MAX: variants seen among roughly 807,000 people sequenced by gnomAD.
MAX encodes the protein MYC associated transcriptional regulator X, also known as protein max.
In MAX, 3 loss-of-function variants were observed where a neutral mutation model predicts 22.3. The ratio of observed to expected loss-of-function variants is 0.13; its 90% CI spans 0.06 to 0.35. The LOEUF is 0.35. Among genes scored for constraint, MAX ranks in the 10% least tolerant of loss-of-function variants. The probability of loss-of-function intolerance (pLI) is 1.00; values close to 1 mark genes in which losing one functional copy is unlikely to be tolerated. For synonymous variants in MAX, 72 were observed against 77.7 expected (o/e 0.93, Z 0.39); for missense variants, 119 against 209.4 (o/e 0.57, Z 2.66).
At position 65,082,236 on chromosome 14, in the gene MAX, T is replaced by C. The variant is rs1160521382; in HGVS notation, c.172-4200A>G. ...TATGGAACTAATTTAAAAAGATCAA[T>C]AGAATTGCAGGGACACTGTTGTCAT... On this transcript the variant is annotated intron_variant, in intron 3 of 4. Coordinates refer to ENST00000358664, the MANE Select transcript of MAX (RefSeq NM_002382.5). The surrounding 1 kb of genome is among the most constrained non-coding windows in gnomAD (Gnocchi z 4.8). The C allele has an allele frequency of 6.6e-6, 1 of 151,882 alleles. No homozygotes were observed. Among genetic ancestry groups the C allele is most frequent in the African/African-American group, 2.4e-5 (1 of 41,320 alleles). The allele number at this position is 151,882 out of a possible 1,614,324, so 9.4% of individuals were successfully genotyped here. A position where few individuals can be genotyped will look rare whatever the true frequency, so the allele number is the denominator to read the frequency against.
At chr14:65,098,809 T>C (rs956712393) in intron 2 of MAX, among the ~76,000 whole-genome samples, 10 of 152,196 alleles carry the variant, frequency 6.6e-5, no homozygotes, top group South Asian at 2.1e-4. Context: ...GAAAAAAATA[T>C]TTGCCAAATC....
At chr14:65,053,627 A>T (rs1019034546) in intron 3 of MAX, among the ~76,000 whole-genome samples, 215 of 147,134 alleles carry the variant, frequency 1.5e-3, no homozygotes, top group African/African-American at 3.4e-3. Context: ...TCTTTTTTTT[A>T]AAAAAAACAA....
chr14:65,032,467 A>C lies in MAX; in HGVS notation c.172-26183T>G. On this transcript the variant is annotated intron_variant, in intron 3 of 3. Coordinates refer to the MAX transcript ENST00000341653. The surrounding 1 kb of genome is among the most constrained non-coding windows in gnomAD (Gnocchi z 5.0). ...TGTCACACCTCTCAGTTGGAGACCC[A>C]GGAGGACTGACCGTGTGCCAAGAGT... is the stretch of plus-strand genomic sequence containing the variant. 1.3e-6 allele frequency: 1 copy of C among 740,922 alleles called. No homozygotes were observed. The allele number at this position is 740,922 out of a possible 1,614,324, so 45.9% of individuals were successfully genotyped here.
At chr14:65,072,561 T>C (rs142880758), downstream of MAX, among the ~76,000 whole-genome samples, 178 of 152,324 alleles carry the variant, frequency 1.2e-3, 1 homozygote, top group African/African-American at 4.1e-3. Flanking sequence ...CCTGAGTGAC[T>C]TGAGGACCAC....
intron 3 of MAX, among the ~76,000 whole-genome samples, chr14:65,068,077 C>T (rs1341757545): frequency 6.6e-6 from 1 of 152,118 alleles, no homozygotes; most frequent in Non-Finnish European, 1.5e-5. Context: ...TGTCAGGTTC[C>T]TCCATAAGGT....
At chr14:65,087,347 C>T (rs989330852) in intron 3 of MAX, among the ~76,000 whole-genome samples, 2 of 152,204 alleles carry the variant, frequency 1.3e-5, no homozygotes, top group South Asian at 2.1e-4. Flanking sequence ...CACTGACTGA[C>T]ATCTTGCACT....
intron 3 of MAX, among the ~76,000 whole-genome samples, chr14:65,039,789 T>C (rs912335487): frequency 6.6e-6 from 1 of 152,238 alleles, no homozygotes; most frequent in Non-Finnish European, 1.5e-5. Flanking sequence ...AATTATAATT[T>C]TTAAAAATAA....
In MAX at chr14:65,044,212, G is replaced by A. The variant is rs1347814513; in HGVS notation, c.172-37928C>T. The A allele has an allele frequency of 1.3e-6, 2 of 1,586,142 alleles. No individual in the cohort carries two copies. Among genetic ancestry groups the A allele is most frequent in the Non-Finnish European group, 1.7e-6 (2 of 1,168,848 alleles). ...TAGAGTGCCAAGAAGCCACAAGATGGGAAACCCTCCATCCCACAGATTGAC... is the reference window on the plus strand; with the variant it reads ...TAGAGTGCCAAGAAGCCACAAGATGAGAAACCCTCCATCCCACAGATTGAC... On this transcript the variant is annotated intron_variant, in intron 3 of 3. Transcript: ENST00000341653. The surrounding 1 kb of genome is among the most constrained non-coding windows in gnomAD (Gnocchi z 5.5).
chr14:65,006,169 TTTTTG>T, exon 4 of MAX: 1 of 1,607,752 alleles, frequency 6.2e-7, no homozygotes, highest in Non-Finnish European at 8.5e-7. Context: ...TTTTTTTTTT[TTTTTG>T]CCACCATTTC....
Position 65,022,693 on chromosome 14 carries a change from C to T in MAX, c.172-16409G>A, listed in dbSNP as rs192407090. On this transcript the variant is annotated intron_variant, in intron 3 of 3. Coordinates refer to the MAX transcript ENST00000341653. ...AATACTTAAAAAAAAAAAAAGTAGTCATTTTTACAACTCTCATGTGAATTC... is the reference window on the plus strand; with the variant it reads ...AATACTTAAAAAAAAAAAAAGTAGTTATTTTTACAACTCTCATGTGAATTC... 7.5e-3 allele frequency among the ~76,000 whole-genome samples: 1,147 copies of T among 151,998 alleles called. 9 individuals are homozygous for T. The highest frequency in any genetic ancestry group is 0.011 in the Non-Finnish European group (759 of 67,964).
chr14:65,015,410 C>CTTTTTTTTTT (rs888923691), intron 3 of MAX: 2 of 155,744 alleles, frequency 1.3e-5, no homozygotes, highest in Non-Finnish European at 1.2e-5. Flanking sequence ...GCCTTGTTAT[C>CTTTTTTTTTT]TTTTTTTTTT....
rs1004459971 is a variant in MAX at position 65,088,578 on chromosome 14, C to G, written c.171+5130G>C. Among the ~76,000 whole-genome samples the G allele has an allele frequency of 2.0e-5, 3 of 152,166 alleles. No homozygotes were observed. Among genetic ancestry groups the G allele is most frequent in the Admixed American group, 6.5e-5 (1 of 15,272 alleles). ...CAGATATGCTATAGACATAGGTTAC[C>G]GAATGAACTGTCAGCCTTAAACGCA... is the stretch of plus-strand genomic sequence containing the variant. On this transcript the variant is annotated intron_variant, in intron 3 of 4. Transcript: ENST00000358664. The surrounding 1 kb of genome is among the most constrained non-coding windows in gnomAD (Gnocchi z 5.2).
At position 65,077,442 on chromosome 14, in the gene MAX, A is replaced by G. The variant is rs1418089905; in HGVS notation, c.295+471T>C. The G allele has an allele frequency of 6.4e-7, 1 of 1,566,620 alleles. No individual in the cohort carries two copies. On this transcript the variant is annotated intron_variant, in intron 4 of 4. Transcript: ENST00000358664. The surrounding 1 kb of genome is among the most constrained non-coding windows in gnomAD (Gnocchi z 6.3). ...TCTCGCTTTCCCCTGTGGTTGTAGG[A>G]AAAGGCGGGTGTGAGCATTGAGAAC...
At chr14:65,058,655 G>A (rs2062795557) in intron 3 of MAX, among the ~76,000 whole-genome samples, 1 of 152,172 alleles carries the variant, frequency 6.6e-6, no homozygotes, top group Non-Finnish European at 1.5e-5. Context: ...TTGCTAGGTT[G>A]TTTTTGTTAG....
In MAX at chr14:65,047,978, A is replaced by AT. The variant is rs34879850; in HGVS notation, c.172-41695dup. On this transcript the variant is annotated intron_variant, in intron 3 of 3. Transcript: ENST00000341653. This position sits in a 1 kb window ranked among gnomAD's most constrained non-coding sequence, Gnocchi z 5.2. ...AGACAGAAGGAGGGAGACTTTTTAG[A>AT]TTTTTTTTTTTTTTTTTTTTTTTTT... 0.04 allele frequency among the ~76,000 whole-genome samples: 2,543 copies of AT among 64,136 alleles called. 124 individuals are homozygous for AT. The highest frequency in any genetic ancestry group is 0.078 in the South Asian group (124 of 1,594). The allele number at this position is 64,136 out of a possible 152,430, so 42.1% of individuals were successfully genotyped here.
chr14:65,093,879 G>A lies in MAX; in HGVS notation c.64-64C>T. On this transcript the variant is annotated intron_variant, in intron 2 of 4. Transcript: ENST00000358664. This position sits in a 1 kb window ranked among gnomAD's most constrained non-coding sequence, Gnocchi z 4.4. ...TCCTTTTGCTTGGTACAAGGTGGGT[G>A]GGGTACAGCCTGGAAGTACACGCTG... The A allele has an allele frequency of 2.1e-6, 2 of 962,478 alleles. No homozygotes were observed. The highest frequency in any genetic ancestry group is 1.7e-6 in the Non-Finnish European group (1 of 585,122). 59.6% of individuals were successfully genotyped at this position (962,478 alleles called of 1,614,324 possible). A position where few individuals can be genotyped will look rare whatever the true frequency, so the allele number is the denominator to read the frequency against.
At chr14:65,074,651 T>C (rs952773285), downstream of MAX, among the ~76,000 whole-genome samples, 4 of 152,224 alleles carry the variant, frequency 2.6e-5, no homozygotes, top group African/African-American at 7.2e-5. Flanking sequence ...CCAGTCTGAG[T>C]AGAGCTAACT....
At chr14:65,040,604 CTTT>C (rs35890649) in intron 3 of MAX, among the ~76,000 whole-genome samples, 2 of 117,318 alleles carry the variant, frequency 1.7e-5, no homozygotes, top group Non-Finnish European at 1.7e-5. Flanking sequence ...CCAGGCCCAG[CTTT>C]TTTTTTTTTT....
chr14:65,051,955 C>T (rs996248162), intron 3 of MAX, among the ~76,000 whole-genome samples: 5 of 151,776 alleles, frequency 3.3e-5, no homozygotes, highest in African/African-American at 7.3e-5. Flanking sequence ...CCACCATGTC[C>T]GGCTAATTTT....
Sources: allele counts gnomAD v4.1 joint callset (sites outside exome capture counted in the v4.1 genomes callset), GRCh38; gene constraint gnomAD v4.1.1; non-coding constraint Gnocchi (gnomAD v3.1); transcripts MANE v1.5; gene names NCBI Gene and HGNC (gene_info 2026-07-23, HGNC 2026-07-21).